FNDC3A: variants seen among roughly 807,000 people sequenced by gnomAD.
The protein encoded by FNDC3A is fibronectin type-III domain-containing protein 3A.
Under a neutral mutation model 148.9 loss-of-function variants are expected in FNDC3A, and 32 were observed. That is an observed-to-expected ratio of 0.21 (90% confidence interval 0.16 to 0.29). The LOEUF is 0.29. Among genes scored for constraint, FNDC3A ranks in the 10% least tolerant of loss-of-function variants. FNDC3A has a pLI of 1.00. For missense variants in FNDC3A, 1,191 were observed against 1,452.8 expected (o/e 0.82, Z 2.93); for synonymous variants, 472 against 473.6 (o/e 1.00, Z 0.04).
At position 49,017,137 on chromosome 13, in the gene FNDC3A, G is replaced by A. The variant is rs566646559; in HGVS notation, c.99+10848G>A. The stretch of plus-strand genomic sequence containing the variant: ...TTAGGTCTGCTTGGTGCAGAGCTGA[G>A]TTCAATTCCTGGGTATCCTTGCTGA... On this transcript the variant is annotated intron_variant, in intron 2 of 25. Coordinates refer to ENST00000492622, the MANE Select transcript of FNDC3A (RefSeq NM_001079673.2). Among the ~76,000 whole-genome samples, 8 of 152,230 alleles carry A rather than the reference G, an allele frequency of 5.3e-5. No individual in the cohort carries two copies. In the South Asian group the frequency reaches 1.7e-3, roughly 32 times the overall value.
intron 1 of FNDC3A, among the ~76,000 whole-genome samples, chr13:48,986,002 A>G (rs1207491682): frequency 1.3e-5 from 2 of 152,092 alleles, no homozygotes; most frequent in Admixed American, 1.3e-4. Flanking sequence ...ACTTCCTTTC[A>G]CTTGCAGAAG....
intron 2 of FNDC3A, among the ~76,000 whole-genome samples, chr13:49,016,470 T>C (rs1234108072): frequency 3.9e-5 from 6 of 152,200 alleles, no homozygotes; most frequent in Admixed American, 3.3e-4. Context: ...TTTTTTATTG[T>C]ATCTATTTGA....
intron 15 of FNDC3A, among the ~76,000 whole-genome samples, chr13:49,186,805 T>C (rs1351844651): frequency 6.6e-6 from 1 of 152,106 alleles, no homozygotes; most frequent in African/African-American, 2.4e-5. Context: ...GAGGCAGAGG[T>C]TGCAGTGAGT....
chr13:49,025,036 CATAG>C (rs1479108275), intron 2 of FNDC3A, among the ~76,000 whole-genome samples: 2 of 151,918 alleles, frequency 1.3e-5, no homozygotes, highest in African/African-American at 2.4e-5. Context: ...GCTTGCTCCA[CATAG>C]ATAGATAGAG....
intron 1 of FNDC3A, among the ~76,000 whole-genome samples, chr13:48,999,523 T>C (rs1952087194): frequency 6.6e-6 from 1 of 152,114 alleles, no homozygotes; most frequent in Admixed American, 6.5e-5. Flanking sequence ...ACCTTGGACT[T>C]TAGAGTTGAT....
At position 49,188,512 on chromosome 13, in the gene FNDC3A, C is replaced by T. The variant is rs778068910; in HGVS notation, c.1826-3C>T. On this transcript the variant is annotated splice_polypyrimidine_tract_variant and splice_region_variant and intron_variant, in intron 16 of 25. Transcript: ENST00000492622. ...TGATTGAACACAATTCCTCACCTTA[C>T]AGGAAACAAATGGGAAATGATATAC... 1 of 1,591,936 alleles carries T rather than the reference C, an allele frequency of 6.3e-7. No individual in the cohort carries two copies. Among genetic ancestry groups the T allele is most frequent in the African/African-American group, 1.3e-5 (1 of 74,482 alleles).
intron 3 of FNDC3A, among the ~76,000 whole-genome samples, chr13:49,098,567 TTTC>T (rs1879672036): frequency 6.6e-6 from 1 of 152,152 alleles, no homozygotes; most frequent in Admixed American, 6.5e-5. Context: ...CTAAAAATAA[TTTC>T]TTGTTTAGAA....
intron 8 of FNDC3A, among the ~76,000 whole-genome samples, chr13:49,152,036 CAT>C (rs1269068198): frequency 6.6e-6 from 1 of 152,238 alleles, no homozygotes; most frequent in East Asian, 1.9e-4. Context: ...CCACAATAAA[CAT>C]GTGTGCATGT....
At chr13:49,117,900 A>G (rs1484331287) in intron 4 of FNDC3A, among the ~76,000 whole-genome samples, 1 of 152,214 alleles carries the variant, frequency 6.6e-6, no homozygotes, top group East Asian at 1.9e-4. Context: ...TAGGTTCCTT[A>G]AGATAGGAAC....
chr13:49,011,550 G>C (rs1566189025), intron 2 of FNDC3A, among the ~76,000 whole-genome samples: 1 of 152,070 alleles, frequency 6.6e-6, no homozygotes, highest in Non-Finnish European at 1.5e-5. Flanking sequence ...GGTATCTTTT[G>C]ATGGACAGTC....
intron 2 of FNDC3A, among the ~76,000 whole-genome samples, chr13:49,022,121 C>A (rs903582347): frequency 6.6e-6 from 1 of 152,096 alleles, no homozygotes; most frequent in African/African-American, 2.4e-5. Context: ...TACTTGAGGG[C>A]CCTCATCATT....
intron 1 of FNDC3A, among the ~76,000 whole-genome samples, chr13:48,978,700 G>T (rs1394341120): frequency 6.6e-6 from 1 of 151,932 alleles, no homozygotes; most frequent in East Asian, 1.9e-4. Flanking sequence ...TTGCCTAGCG[G>T]ACTTCAAATA....
intron 7 of FNDC3A, among the ~76,000 whole-genome samples, chr13:49,139,595 A>G (rs1043378566): frequency 3.9e-5 from 6 of 152,154 alleles, no homozygotes; most frequent in African/African-American, 1.4e-4. Flanking sequence ...ATAGACTAAT[A>G]TGGTCCTACT....
intron 8 of FNDC3A, among the ~76,000 whole-genome samples, chr13:49,152,817 T>C (rs1336132785): frequency 1.3e-5 from 2 of 151,490 alleles, no homozygotes; most frequent in Non-Finnish European, 2.9e-5. Context: ...TGATTTCCAA[T>C]TTCATCCATG....
At chr13:49,001,190 C>A (rs1952118553) in intron 1 of FNDC3A, among the ~76,000 whole-genome samples, 1 of 152,162 alleles carries the variant, frequency 6.6e-6, no homozygotes, top group Non-Finnish European at 1.5e-5. Flanking sequence ...TTTATAATTT[C>A]TTACGCCTGT....
At chr13:48,993,920 T>C (rs149388044) in intron 1 of FNDC3A, among the ~76,000 whole-genome samples, 1 of 152,222 alleles carries the variant, frequency 6.6e-6, no homozygotes, top group South Asian at 2.1e-4. Flanking sequence ...GAAGTTTTAG[T>C]ATCTTAACAG....
At chr13:49,062,100 A>G (rs1008341950) in intron 2 of FNDC3A, among the ~76,000 whole-genome samples, 1 of 152,052 alleles carries the variant, frequency 6.6e-6, no homozygotes, top group African/African-American at 2.4e-5. Flanking sequence ...GTTGATTATC[A>G]CTATTGAAGG....
intron 2 of FNDC3A, among the ~76,000 whole-genome samples, chr13:49,018,019 C>G (rs1439842158): frequency 3.3e-5 from 5 of 152,282 alleles, no homozygotes; most frequent in African/African-American, 1.2e-4. Flanking sequence ...ACCCTTCTCT[C>G]TGGCTGCCCT....
At chr13:49,192,139 A>C (rs923853586) in intron 19 of FNDC3A, among the ~76,000 whole-genome samples, 6 of 152,224 alleles carry the variant, frequency 3.9e-5, no homozygotes, top group Non-Finnish European at 8.8e-5. Flanking sequence ...ATCTCAGCTA[A>C]ATAACAATTT....
Sources: allele counts gnomAD v4.1 joint callset (sites outside exome capture counted in the v4.1 genomes callset), GRCh38; gene constraint gnomAD v4.1.1; transcripts MANE v1.5; gene names NCBI Gene and HGNC (gene_info 2026-07-23, HGNC 2026-07-21).